The following PAK1 variants were observed in gnomAD, a reference collection of about 807,000 sequenced individuals.
The protein encoded by PAK1 is serine/threonine-protein kinase PAK 1.
In PAK1, 29 loss-of-function variants were observed where a neutral mutation model predicts 67.4. The observed-to-expected ratio is 0.43, with a 90% CI of 0.32 to 0.59. The LOEUF (loss-of-function observed/expected upper bound fraction) is 0.59. PAK1 is among the 20% of genes least tolerant of loss of function. The pLI is 0.07. For synonymous variants in PAK1, 223 were observed against 237.4 expected (o/e 0.94, Z 0.56); for missense variants, 337 against 670.7 (o/e 0.50, Z 5.50).
rs375653916 is a variant in PAK1, at chr11:77,349,203, G to C, written c.885+36C>G. ...AATTAATCCCAAATAAAAAGAAACA[G>C]AACTAAAGGAGCAACAGTGGGTGGT... On this transcript the variant is annotated intron_variant, in intron 9 of 14. Coordinates refer to ENST00000356341, the MANE Select transcript of PAK1 (RefSeq NM_002576.5). The C allele has an allele frequency of 4.0e-6, 6 of 1,484,970 alleles. No individual in the cohort carries two copies. The Admixed American group carries it at 1.1e-4, about 27-fold the overall frequency. 92.0% of individuals were successfully genotyped at this position (1,484,970 alleles called of 1,614,324 possible).
chr11:77,497,880 A>T, the PAK1 span, among the ~76,000 whole-genome samples: 1 of 152,228 alleles, frequency 6.6e-6, no homozygotes, highest in African/African-American at 2.4e-5. Context: ...AATGGCAAGA[A>T]TATTTAATTT....
intron 1 of PAK1, among the ~76,000 whole-genome samples, chr11:77,438,458 C>T (rs1340326238): frequency 6.6e-6 from 1 of 152,196 alleles, no homozygotes; most frequent in Non-Finnish European, 1.5e-5. Flanking sequence ...GCCTCCAAAA[C>T]AGACAATGAG....
At chr11:77,494,934 T>C in the PAK1 span, among the ~76,000 whole-genome samples, 7,925 of 151,026 alleles carry the variant, frequency 0.052, 686 homozygotes, top group African/African-American at 0.18. Flanking sequence ...GAGGCCAATA[T>C]GGGAGGATCA....
the PAK1 span, among the ~76,000 whole-genome samples, chr11:77,491,697 A>G: frequency 6.6e-6 from 1 of 152,160 alleles, no homozygotes; most frequent in Non-Finnish European, 1.5e-5. Context: ...ATACACAAAA[A>G]ATAAAAAGCA....
At chr11:77,513,589 T>G in the PAK1 span, among the ~76,000 whole-genome samples, 1 of 143,042 alleles carries the variant, frequency 7.0e-6, no homozygotes, top group Non-Finnish European at 1.5e-5. Context: ...GAGAATCACT[T>G]GAGCCCGGGA....
At chr11:77,398,314 T>A (rs573217749) in intron 1 of PAK1, among the ~76,000 whole-genome samples, 1 of 152,306 alleles carries the variant, frequency 6.6e-6, no homozygotes, top group African/African-American at 2.4e-5. Context: ...TGTCCATTAG[T>A]TGAATTGTTT....
intron 7 of PAK1, among the ~76,000 whole-genome samples, chr11:77,355,257 C>T (rs1276581787): frequency 2.0e-5 from 3 of 152,148 alleles, no homozygotes; most frequent in African/African-American, 4.8e-5. Context: ...TCCCTCTTTT[C>T]CTACAACCAA....
At chr11:77,323,502 A>G (rs1938871303) in intron 14 of PAK1, 142 bp from the exon 15 acceptor site, 1 of 651,184 alleles carries the variant, frequency 1.5e-6, no homozygotes, top group Non-Finnish European at 2.8e-6. Flanking sequence ...AGGACATCTT[A>G]AAACAGACCA....
At position 77,332,681 on chromosome 11, in the gene PAK1, G is replaced by A. The variant is rs369468648; in HGVS notation, c.1551+49C>T. On this transcript the variant is annotated intron_variant, in intron 14 of 14. Transcript: ENST00000356341. ...TACAAACATGAAGTAAAAAAGGCCT[G>A]GTTTAGTGATTCCCTGAATTAGGTG... is the stretch of plus-strand genomic sequence containing the variant. 3 of 1,541,332 alleles carry A rather than the reference G, an allele frequency of 1.9e-6. No individual in the cohort carries two copies. The African/African-American group carries it at 4.1e-5, about 21-fold the overall frequency.
intron 1 of PAK1, among the ~76,000 whole-genome samples, chr11:77,449,025 G>A (rs1404054228): frequency 1.3e-5 from 2 of 152,214 alleles, no homozygotes; most frequent in African/African-American, 4.8e-5. Context: ...TATACAGGGT[G>A]AGTGTTTGAA....
the PAK1 span, among the ~76,000 whole-genome samples, chr11:77,520,613 C>A: frequency 6.6e-6 from 1 of 152,088 alleles, no homozygotes; most frequent in Non-Finnish European, 1.5e-5. Context: ...TTTGGGAATG[C>A]AGTTTGGAGG....
intron 1 of PAK1, among the ~76,000 whole-genome samples, chr11:77,436,700 C>A (rs1373858774): frequency 1.3e-5 from 2 of 152,196 alleles, no homozygotes. Flanking sequence ...CAGTGCCAAT[C>A]AGGAAGTAAG....
rs868252245 is a variant in PAK1, at chr11:77,344,198, G to T, written c.886-267C>A. 3.3e-5 allele frequency among the ~76,000 whole-genome samples: 5 copies of T among 152,188 alleles called. No homozygotes were observed. In the South Asian group the frequency reaches 6.2e-4, roughly 19 times the overall value. On this transcript the variant is annotated intron_variant, in intron 9 of 14. Coordinates refer to ENST00000356341, the MANE Select transcript of PAK1 (RefSeq NM_002576.5). ...AATCAGAAGCTCTGTGATGTAAAAA[G>T]TCCTCCAGGTCACTGTGATACACAT...
chr11:77,456,924 G>A (rs1380314384), intron 1 of PAK1, among the ~76,000 whole-genome samples: 1 of 152,016 alleles, frequency 6.6e-6, no homozygotes, highest in African/African-American at 2.4e-5. Context: ...CGTATTTTTA[G>A]TAGAGACAGG....
intron 1 of PAK1, among the ~76,000 whole-genome samples, chr11:77,430,825 T>C (rs998426379): frequency 6.6e-6 from 1 of 152,168 alleles, no homozygotes; most frequent in Non-Finnish European, 1.5e-5. Context: ...GCCTAAAATA[T>C]AGTAACTAAT....
chr11:77,434,121 G>A (rs1955994981), intron 1 of PAK1, among the ~76,000 whole-genome samples: 1 of 152,086 alleles, frequency 6.6e-6, no homozygotes, highest in African/African-American at 2.4e-5. Context: ...ACATGACCCT[G>A]CAATTCTACT....
At chr11:77,419,018 C>T (rs578004051) in intron 1 of PAK1, among the ~76,000 whole-genome samples, 9 of 152,338 alleles carry the variant, frequency 5.9e-5, no homozygotes, top group African/African-American at 1.9e-4. Context: ...GATTTCAGTT[C>T]TGAAAAACCA....
chr11:77,523,027 C>T, the PAK1 span, among the ~76,000 whole-genome samples: 1 of 152,118 alleles, frequency 6.6e-6, no homozygotes, highest in Non-Finnish European at 1.5e-5. Context: ...ACTGGGTACA[C>T]ATGGACATAA....
intron 1 of PAK1, among the ~76,000 whole-genome samples, chr11:77,466,476 A>C (rs1261228139): frequency 1.3e-5 from 2 of 151,766 alleles, no homozygotes; most frequent in Non-Finnish European, 2.9e-5. Context: ...GGTGGCACGC[A>C]CCTGTGGTCC....
Sources: gnomAD v4.1 joint callset for allele counts (sites outside exome capture counted in the v4.1 genomes callset) on GRCh38, gnomAD v4.1.1 for gene constraint, MANE v1.5 for transcripts, NCBI Gene and HGNC (gene_info 2026-07-23, HGNC 2026-07-21) for gene names.